The following MMP14 variants were observed in gnomAD, a reference collection of about 807,000 sequenced individuals.
The protein encoded by MMP14 is matrix metallopeptidase 14.
MMP14 carries 13 observed loss-of-function variants against 64.8 expected under a neutral mutation model. The observed-to-expected ratio is 0.20, with a 90% CI of 0.13 to 0.32. MMP14 has a LOEUF of 0.32. Ranked by LOEUF, MMP14 falls within the 10% of genes least tolerant of loss-of-function variation. The pLI is 1.00. For synonymous variants in MMP14, 322 were observed against 315.9 expected (o/e 1.02, Z -0.20); for missense variants, 594 against 783.8 (o/e 0.76, Z 2.89).
At position 22,845,768 on chromosome 14, in the gene MMP14, T is replaced by C. The variant is rs992485705; in HGVS notation, c.1478T>C (p.Val493Ala). The C allele has an allele frequency of 6.2e-7, 1 of 1,614,034 alleles. No homozygotes were observed. Among genetic ancestry groups the C allele is most frequent in the Non-Finnish European group, 8.5e-7 (1 of 1,180,016 alleles). The change falls in exon 10 of 10, where the codon GTA becomes GCA. Residue 493 changes from valine to alanine, a missense_variant. By Grantham distance (64) the Val-to-Ala change is moderately conservative. Around this residue, in one of 4 missense-constraint regions of MMP14, gnomAD observed 364 missense variants for 425.2 expected, o/e 0.86. Transcript: ENST00000311852. The part of the protein sequence containing the change: ...YWKFNNQKLK[V>A]EPGYPKSALR... ...AAATTCAACAACCAGAAGCTGAAGG[T>C]AGAACCGGGCTACCCCAAGTCAGCC...
In MMP14 at chr14:22,843,364, A is replaced by G; in HGVS notation, c.796A>G (p.Thr266Ala). The change falls in exon 5 of 10, where the codon ACG becomes GCG. Residue 266 changes from threonine (T) to alanine (A), a missense_variant. Thr to Ala is a moderately conservative substitution (Grantham distance 58, BLOSUM62 0). Coordinates refer to ENST00000311852, the MANE Select transcript of MMP14 (RefSeq NM_004995.4). This position sits in a 1 kb window ranked among gnomAD's most constrained non-coding sequence, Gnocchi z 4.8. ...IMAPFYQWMD[T>A]ENFVLPDDDR... ...GGCACCCTTTTACCAGTGGATGGAC[A>G]CGGAGAATTTTGTGCTGCCCGATGA... 1 of 1,614,106 alleles carries G rather than the reference A, an allele frequency of 6.2e-7. No individual in the cohort carries two copies. The highest frequency in any genetic ancestry group is 8.5e-7 in the Non-Finnish European group (1 of 1,180,032).
chr14:22,842,555 G>A lies in MMP14; in HGVS notation c.526G>A (p.Asp176Asn), dbSNP rs145801508. ...YIREGHEKQA[D>N]IMIFFAEGFH... is the part of the protein sequence containing the mutation. ...CCGTGAGGGCCATGAGAAGCAGGCC[G>A]ACATCATGATCTTCTTTGCCGAGGG... The change falls in exon 4 of 10, where the codon GAC (aspartate) becomes AAC (asparagine). Residue 176 changes from aspartate (D) to asparagine (N), a missense_variant. Transcript: ENST00000311852. The surrounding 1 kb of genome is among the most constrained non-coding windows in gnomAD (Gnocchi z 5.3). The A allele has an allele frequency of 1.4e-5, 22 of 1,614,150 alleles. No homozygotes were observed. Among genetic ancestry groups the A allele is most frequent in the African/African-American group, 5.3e-5 (4 of 75,058 alleles).
At chr14:22,838,590 C>T (rs1465601661) in intron 1 of MMP14, among the ~76,000 whole-genome samples, 1 of 152,212 alleles carries the variant, frequency 6.6e-6, no homozygotes. Flanking sequence ...AAGACAAAGC[C>T]AGCCGACTGG....
intron 1 of MMP14, chr14:22,837,426 G>A (rs1392943701): frequency 8.8e-6 from 4 of 455,444 alleles, no homozygotes; most frequent in African/African-American, 8.0e-5. Context: ...CAGCGGACGA[G>A]TCTGCGGCCA....
chr14:22,842,357 G>A lies in MMP14; in HGVS notation c.381-53G>A. On this transcript the variant is annotated intron_variant, in intron 3 of 9. Coordinates refer to ENST00000311852, the MANE Select transcript of MMP14 (RefSeq NM_004995.4). This position sits in a 1 kb window ranked among gnomAD's most constrained non-coding sequence, Gnocchi z 5.3. The stretch of plus-strand genomic sequence containing the variant: ...GGAGAGTGCAGGGAAGGAGAATGTT[G>A]CCCCTCTTTATCCTAACACACCCCA... 1 of 1,558,022 alleles carries A rather than the reference G, an allele frequency of 6.4e-7. No homozygotes were observed. Among genetic ancestry groups the A allele is most frequent in the Non-Finnish European group, 8.7e-7 (1 of 1,146,168 alleles).
At chr14:22,837,107 T>G in intron 1 of MMP14, 182 bp downstream of exon 1, 3 of 692,492 alleles carry the variant, frequency 4.3e-6, no homozygotes, top group Non-Finnish European at 5.3e-6. Flanking sequence ...CGATCCAACT[T>G]TTGCCCGCTT....
At position 22,843,578 on chromosome 14, in the gene MMP14, T is replaced by A. The variant is rs2039788929; in HGVS notation, c.851-132T>A. Reference sequence around the variant, plus strand: ...TTTTGAGCCCATCTTTTGTGTCGCCTCCCAGTTGGTTGCTTCAGCCTCCCC... The same window carrying A: ...TTTTGAGCCCATCTTTTGTGTCGCCACCCAGTTGGTTGCTTCAGCCTCCCC... On this transcript the variant is annotated intron_variant, in intron 5 of 9. Transcript: ENST00000311852. This position sits in a 1 kb window ranked among gnomAD's most constrained non-coding sequence, Gnocchi z 4.8. The A allele has an allele frequency of 1.4e-6, 2 of 1,380,336 alleles. No homozygotes were observed. The highest frequency in any genetic ancestry group is 2.7e-5 in the South Asian group (2 of 74,008). 85.5% of individuals were successfully genotyped at this position (1,380,336 alleles called of 1,614,324 possible).
Position 22,846,141 on chromosome 14 carries a change from C to T in MMP14, c.*102C>T, listed in dbSNP as rs891987276. ...GGGCTGTTCCCATCGTCCCGAGCCCCCTCCCCGCAGCCTCCTTGCTTCTCT... is the reference window on the plus strand; with the variant it reads ...GGGCTGTTCCCATCGTCCCGAGCCCTCTCCCCGCAGCCTCCTTGCTTCTCT... On this transcript the variant is annotated 3_prime_UTR_variant, in exon 10 of 10. Transcript: ENST00000311852. 1.8e-5 allele frequency: 21 copies of T among 1,155,202 alleles called. No individual in the cohort carries two copies. The highest frequency in any genetic ancestry group is 2.1e-5 in the Non-Finnish European group (18 of 845,586). 71.6% of individuals were successfully genotyped at this position (1,155,202 alleles called of 1,614,324 possible).
chr14:22,841,376 G>A, intron 1 of MMP14, 115 bp from the exon 2 acceptor site: 1 of 1,362,900 alleles, frequency 7.3e-7, no homozygotes, highest in South Asian at 1.3e-5. Context: ...GCCAAGCTGG[G>A]AACCCACTGC....
In MMP14 at chr14:22,836,742, G is replaced by A; in HGVS notation, c.-76G>A. The A allele has an allele frequency of 1.2e-6, 1 of 804,928 alleles. No homozygotes were observed. The highest frequency in any genetic ancestry group is 1.9e-6 in the Non-Finnish European group (1 of 522,134). 49.9% of individuals were successfully genotyped at this position (804,928 alleles called of 1,614,324 possible). On this transcript the variant is annotated 5_prime_UTR_variant, in exon 1 of 10. Transcript: ENST00000311852. Reference sequence around the variant, plus strand: ...TACCGAAGACAAAGGCGCCCCGAGGGAGTGGCGGTGCGACCCCAGGGCGTG... The same window carrying A: ...TACCGAAGACAAAGGCGCCCCGAGGAAGTGGCGGTGCGACCCCAGGGCGTG...
At position 22,845,391 on chromosome 14, in the gene MMP14, G is replaced by A. The variant is rs774453473; in HGVS notation, c.1417+25G>A. The A allele has an allele frequency of 2.8e-5, 43 of 1,516,628 alleles. No homozygotes were observed. In the Middle Eastern group the frequency reaches 6.9e-4, roughly 24 times the overall value. 93.9% of individuals were successfully genotyped at this position (1,516,628 alleles called of 1,614,324 possible). Reference sequence around the variant, plus strand: ...GGTGAGAGGGGCAAGGGAAGGTGTCGCTGAGAGAAGGATGGGAATAGGGAG... The same window carrying A: ...GGTGAGAGGGGCAAGGGAAGGTGTCACTGAGAGAAGGATGGGAATAGGGAG... On this transcript the variant is annotated intron_variant, in intron 9 of 9. Transcript: ENST00000311852.
At chr14:22,845,608 A>G in intron 9 of MMP14, 100 bp from the exon 10 acceptor site, 1 of 1,238,688 alleles carries the variant, frequency 8.1e-7, no homozygotes. Context: ...AGGTGGAGGG[A>G]AGCTCAGCTG....
At chr14:22,840,721 A>T (rs1253557763) in intron 1 of MMP14, among the ~76,000 whole-genome samples, 2 of 152,110 alleles carry the variant, frequency 1.3e-5, no homozygotes, top group South Asian at 2.1e-4. Context: ...CGTGTTAGCC[A>T]GGATGGTCTC....
rs1209497673 is a variant in MMP14, at chr14:22,845,318, G to A, written c.1369G>A (p.Glu457Lys). Residue 457 changes from glutamate to lysine, a missense_variant, in exon 9 of 10, where the codon GAA (glutamate) becomes AAA (lysine). By Grantham distance (56) the Glu-to-Lys change is moderately conservative. Transcript: ENST00000311852. ...GTACCCCAAGAACATCAAAGTCTGGGAAGGGATCCCTGAGTCTCCCAGAGG... is the reference window on the plus strand; with the variant it reads ...GTACCCCAAGAACATCAAAGTCTGGAAAGGGATCCCTGAGTCTCCCAGAGG... ...SEYPKNIKVWEGIPESPRGSF... is the reference protein window; with the variant it reads ...SEYPKNIKVWKGIPESPRGSF... 1 of 1,613,286 alleles carries A rather than the reference G, an allele frequency of 6.2e-7. No individual in the cohort carries two copies. The highest frequency in any genetic ancestry group is 1.3e-5 in the African/African-American group (1 of 74,888).
Position 22,843,849 on chromosome 14 carries a change from A to T in MMP14, c.990A>T (p.Arg330=). 1 of 1,611,724 alleles carries T rather than the reference A, an allele frequency of 6.2e-7. No individual in the cohort carries two copies. Among genetic ancestry groups the T allele is most frequent in the Non-Finnish European group, 8.5e-7 (1 of 1,179,478 alleles). ...ACTTTGACACCGTGGCCATGCTCCG[A>T]GGGGAGATGTTTGTCTTCAAGGTGA... ...DGNFDTVAML[R]GEMFVFKERW... The change falls in exon 6 of 10, where the codon CGA becomes CGT. Residue 330 remains arginine (R), a synonymous_variant. Transcript: ENST00000311852. This position sits in a 1 kb window ranked among gnomAD's most constrained non-coding sequence, Gnocchi z 4.8.
In MMP14 at chr14:22,845,054, G is replaced by C. The variant is rs367919478; in HGVS notation, c.1302-197G>C. Among the ~76,000 whole-genome samples the C allele has an allele frequency of 2.9e-4, 44 of 152,192 alleles. No homozygotes were observed. The South Asian group carries it at 7.7e-3, about 27-fold the overall frequency. ...GCCAGGCACTGTCATTAGGGCTACTGGTGGCTCCTTGCAGCCTGGGCCCTC... is the reference window on the plus strand; with the variant it reads ...GCCAGGCACTGTCATTAGGGCTACTCGTGGCTCCTTGCAGCCTGGGCCCTC... On this transcript the variant is annotated intron_variant, in intron 8 of 9. Coordinates refer to ENST00000311852, the MANE Select transcript of MMP14 (RefSeq NM_004995.4).
At position 22,843,993 on chromosome 14, in the gene MMP14, C is replaced by G; in HGVS notation, c.1011+123C>G. On this transcript the variant is annotated intron_variant, in intron 6 of 9. Transcript: ENST00000311852. This position sits in a 1 kb window ranked among gnomAD's most constrained non-coding sequence, Gnocchi z 4.8. The stretch of plus-strand genomic sequence containing the variant: ...GGTGGATCACCTGAGGTCTGGAGTT[C>G]GAGAGCAGGCTGGCCAACATAGTGA... 8.0e-7 allele frequency: 1 copy of G among 1,244,796 alleles called. No homozygotes were observed. The highest frequency in any genetic ancestry group is 1.4e-5 in the South Asian group (1 of 73,612). 77.1% of individuals were successfully genotyped at this position (1,244,796 alleles called of 1,614,324 possible). A position where few individuals can be genotyped will look rare whatever the true frequency, so the allele number is the denominator to read the frequency against.
Position 22,843,916 on chromosome 14 carries a change from C to A in MMP14, c.1011+46C>A. On this transcript the variant is annotated intron_variant, in intron 6 of 9. Transcript: ENST00000311852. This position sits in a 1 kb window ranked among gnomAD's most constrained non-coding sequence, Gnocchi z 4.8. ...TTGAAAGACAAAAGGGCCCTATGGGCTGGGCATGGTGGCTCATGCCTGTAA... is the reference window on the plus strand; with the variant it reads ...TTGAAAGACAAAAGGGCCCTATGGGATGGGCATGGTGGCTCATGCCTGTAA... 1 of 1,595,306 alleles carries A rather than the reference C, an allele frequency of 6.3e-7. No individual in the cohort carries two copies.
At chr14:22,845,603 G>A in intron 9 of MMP14, 105 bp from the exon 10 acceptor site, 1 of 1,210,952 alleles carries the variant, frequency 8.3e-7, no homozygotes. Context: ...CACGAAGGTG[G>A]AGGGAAGCTC....
Sources: allele counts gnomAD v4.1 joint callset (sites outside exome capture counted in the v4.1 genomes callset), GRCh38; gene constraint gnomAD v4.1.1; regional missense constraint gnomAD v4.1.1; non-coding constraint Gnocchi (gnomAD v3.1); transcripts MANE v1.5; gene names NCBI Gene and HGNC (gene_info 2026-07-23, HGNC 2026-07-21).